JUP: variants seen among roughly 807,000 people sequenced by gnomAD.
JUP encodes junction plakoglobin, also known as catenin (cadherin-associated protein), gamma 80kDa.
A neutral mutation model predicts 71.1 loss-of-function variants in JUP; 28 were observed. The ratio of observed to expected loss-of-function variants is 0.39; its 90% CI spans 0.29 to 0.54. The LOEUF is 0.54. JUP is among the 20% of genes least tolerant of loss of function. The pLI is 0.62. For missense variants in JUP, 869 were observed against 1,030.1 expected, an observed-to-expected ratio of 0.84 and a Z score of 2.14; for synonymous variants, 401 against 438.9, an observed-to-expected ratio of 0.91 and a Z score of 1.08.
At chr17:41,761,382 C>T in intron 8 of JUP, among the ~76,000 whole-genome samples, 1 of 152,176 alleles carries the variant, frequency 6.6e-6, no homozygotes, top group Non-Finnish European at 1.5e-5. Context: ...GGCCGCTAGC[C>T]ATCCCCAGTT....
In JUP at chr17:41,760,429, T is replaced by C. The variant is rs1446267131; in HGVS notation, c.1498-1559A>G. On this transcript the variant is annotated intron_variant, in intron 8 of 13. Transcript: ENST00000393931. The stretch of plus-strand genomic sequence containing the variant: ...CGCCACCACGCCTGGCTAATTTCTT[T>C]GTATTTTTTTAGTAGAGATGGGGTT... Among the ~76,000 whole-genome samples the C allele has an allele frequency of 2.0e-5, 3 of 151,638 alleles. No homozygotes were observed. In the East Asian group the frequency reaches 5.9e-4, roughly 30 times the overall value.
At chr17:41,777,023 A>C (rs1264657080) in intron 1 of JUP, among the ~76,000 whole-genome samples, 1 of 152,134 alleles carries the variant, frequency 6.6e-6, no homozygotes, top group African/African-American at 2.4e-5. Context: ...AAAGAAAAAT[A>C]ATAAAAATTT....
At position 41,754,981 on chromosome 17, in the gene JUP, C is replaced by T. The variant is rs782385635; in HGVS notation, c.*763G>A. 13 of 240,488 alleles carry T rather than the reference C, an allele frequency of 5.4e-5. No individual in the cohort carries two copies. Among genetic ancestry groups the T allele is most frequent in the Non-Finnish European group, 8.7e-5 (11 of 125,872 alleles). 14.9% of individuals were successfully genotyped at this position (240,488 alleles called of 1,614,324 possible). Reference sequence around the variant, plus strand: ...ATATCTCCTCCCCATCTCCCCTGGACGGTCCCTGAACTTTTCAAGAGAAGT... The same window carrying T: ...ATATCTCCTCCCCATCTCCCCTGGATGGTCCCTGAACTTTTCAAGAGAAGT... On this transcript the variant is annotated 3_prime_UTR_variant, in exon 14 of 14. Transcript: ENST00000393931.
chr17:41,769,697 G>T lies in JUP; in HGVS notation c.209-20C>A. ...GATCACCTGGGGGCCATGGGGACAG[G>T]GACTGAGTGCAGGCAGTGGGCTGGG... On this transcript the variant is annotated intron_variant, in intron 2 of 13. Coordinates refer to ENST00000393931, the MANE Select transcript of JUP (RefSeq NM_002230.4). The T allele has an allele frequency of 6.2e-7, 1 of 1,605,180 alleles. No homozygotes were observed.
chr17:41,771,807 C>T lies in JUP; in HGVS notation c.48G>A (p.Trp16Ter). ...CCGAGTCGTAGGTGTATGTCTGCTG[C>T]CACTCAGTCACCTTGATAGGCTGCT... ...LMEQPIKVTE[W>*]QQTYTYDSGI... The change falls in exon 2 of 14, where the codon TGG becomes TGA. Residue 16 changes from tryptophan (W) to a stop codon, truncating the protein, a stop_gained. Transcript: ENST00000393931. LOFTEE classifies it high-confidence loss of function. 1 of 1,613,978 alleles carries T rather than the reference C, an allele frequency of 6.2e-7. No individual in the cohort carries two copies. The highest frequency in any genetic ancestry group is 8.5e-7 in the Non-Finnish European group (1 of 1,179,948).
rs1428516361 is a variant in JUP at position 41,769,643 on chromosome 17, C to T, written c.243G>A (p.Arg81=). ...ACATGGCCTCCCGCACCCGTTTGGC[C>T]CTGGCTGTTGTGGACATCTGGTACT... ...DLEYQMSTTA[R]AKRVREAMCP... The change falls in exon 3 of 14, where the codon AGG becomes AGA. Residue 81 remains arginine (R), a synonymous_variant. Coordinates refer to ENST00000393931, the MANE Select transcript of JUP (RefSeq NM_002230.4). 4 of 1,607,772 alleles carry T rather than the reference C, an allele frequency of 2.5e-6. No homozygotes were observed. Among genetic ancestry groups the T allele is most frequent in the Non-Finnish European group, 3.4e-6 (4 of 1,177,948 alleles).
intron 1 of JUP, among the ~76,000 whole-genome samples, chr17:41,780,286 T>C (rs2047097062): frequency 6.6e-6 from 1 of 151,856 alleles, no homozygotes; most frequent in Non-Finnish European, 1.5e-5. Flanking sequence ...TGGACCCAGC[T>C]ACTTGGGAGG....
chr17:41,769,005 T>A lies in JUP; in HGVS notation c.671A>T (p.Lys224Met), dbSNP rs781833342. 5 of 1,610,076 alleles carry A rather than the reference T, an allele frequency of 3.1e-6. No homozygotes were observed. Among genetic ancestry groups the A allele is most frequent in the Non-Finnish European group, 4.2e-6 (5 of 1,178,518 alleles). Residue 224 changes from lysine to methionine, a missense_variant, in exon 4 of 14, where the codon AAG becomes ATG. Physicochemically the swap from Lys to Met is moderately conservative, Grantham distance 95 (BLOSUM62 -1). Transcript: ENST00000393931. ...HHREGLLAIF[K>M]SGGIPALVRM... is the part of the protein sequence containing the mutation. ...GACCAGAGCAGGGATGCCACCCGAC[T>A]TGAAGATGGCGAGCAGCCCCTCCCG...
At chr17:41,764,350 C>T (rs1915342590) in intron 7 of JUP, among the ~76,000 whole-genome samples, 1 of 152,058 alleles carries the variant, frequency 6.6e-6, no homozygotes, top group Admixed American at 6.6e-5. Context: ...GCCTGCCCAA[C>T]ATGGTGAAAC....
At chr17:41,775,989 C>T (rs1175958779) in intron 1 of JUP, 13 of 985,332 alleles carry the variant, frequency 1.3e-5, no homozygotes, top group African/African-American at 1.7e-5. Flanking sequence ...ACACCAGGCT[C>T]CTTCCCCAGC....
In JUP at chr17:41,769,656, G is replaced by A. The variant is rs782771565; in HGVS notation, c.230C>T (p.Ser77Phe). ...CACCCGTTTGGCCCTGGCTGTTGTG[G>A]ACATCTGGTACTCCAGATCACCTGG... ...PSQGDLEYQMSTTARAKRVRE... is the reference protein window; with the variant it reads ...PSQGDLEYQMFTTARAKRVRE... The change falls in exon 3 of 14, where the codon TCC becomes TTC. Residue 77 changes from serine to phenylalanine, a missense_variant. Coordinates refer to ENST00000393931, the MANE Select transcript of JUP (RefSeq NM_002230.4). 3 of 1,608,588 alleles carry A rather than the reference G, an allele frequency of 1.9e-6. No individual in the cohort carries two copies. The highest frequency in any genetic ancestry group is 1.3e-5 in the African/African-American group (1 of 74,928).
At chr17:41,780,873 C>T (rs1156688068) in intron 1 of JUP, among the ~76,000 whole-genome samples, 3 of 151,580 alleles carry the variant, frequency 2.0e-5, no homozygotes, top group African/African-American at 4.8e-5. Flanking sequence ...GGTGAAACCC[C>T]GTCTCTACTA....
At position 41,770,907 on chromosome 17, in the gene JUP, G is replaced by C. The variant is rs374405156; in HGVS notation, c.208+740C>G. 2.6e-3 allele frequency among the ~76,000 whole-genome samples: 395 copies of C among 152,362 alleles called. 2 individuals carry two copies. The highest frequency in any genetic ancestry group is 8.2e-3 in the Admixed American group (125 of 15,310). On this transcript the variant is annotated intron_variant, in intron 2 of 13. Coordinates refer to ENST00000393931, the MANE Select transcript of JUP (RefSeq NM_002230.4). The stretch of plus-strand genomic sequence containing the variant: ...CTCTACCCAAAGGGGAATCCCTGGG[G>C]GTTCCTGGGGGCTACGGCCCTGGCT...
In JUP at chr17:41,769,121, C is replaced by G; in HGVS notation, c.555G>C (p.Leu185=). Residue 185 remains leucine (L), a synonymous_variant, in exon 4 of 14, where the codon CTG becomes CTC. Coordinates refer to ENST00000393931, the MANE Select transcript of JUP (RefSeq NM_002230.4). ...SRRALMGSPQ[L]VAAVVRTMQN... is the part of the protein sequence containing the mutation. ...GCATGGTACGCACGACAGCGGCCAC[C>G]AGCTGGGGCGAGCCCATCAGGGCCC... 1 of 1,610,588 alleles carries G rather than the reference C, an allele frequency of 6.2e-7. No homozygotes were observed. Among genetic ancestry groups the G allele is most frequent in the African/African-American group, 1.3e-5 (1 of 75,054 alleles).
In JUP at chr17:41,764,771, C is replaced by A. The variant is rs782067441; in HGVS notation, c.1100G>T (p.Arg367Leu). ...GGTCCACAGGCAGTTCTGCACCAGG[C>A]GGGGGCTGTTGCTGGTCAGGTGCTT... ...LGKHLTSNSP[R>L]LVQNCLWTLR... Residue 367 changes from arginine (R) to leucine (L), a missense_variant, in exon 7 of 14, where the codon CGC becomes CTC. Transcript: ENST00000393931. 4 of 1,613,488 alleles carry A rather than the reference C, an allele frequency of 2.5e-6. No homozygotes were observed. The highest frequency in any genetic ancestry group is 3.4e-6 in the Non-Finnish European group (4 of 1,179,978).
At chr17:41,770,485 G>A (rs2143713210) in intron 2 of JUP, among the ~76,000 whole-genome samples, 1 of 152,286 alleles carries the variant, frequency 6.6e-6, no homozygotes, top group South Asian at 2.1e-4. Flanking sequence ...CCTGGATGCT[G>A]TACTTTTTGC....
Position 41,755,273 on chromosome 17 carries a change from A to C in JUP, c.*471T>G, listed in dbSNP as rs1913509245. The C allele has an allele frequency of 2.5e-6, 1 of 399,462 alleles. No individual in the cohort carries two copies. The highest frequency in any genetic ancestry group is 2.1e-5 in the African/African-American group (1 of 48,596). The allele number at this position is 399,462 out of a possible 1,614,324, so 24.7% of individuals were successfully genotyped here. ...CAGGCCCTGGACCCATGCCCAGGAC[A>C]GAAAAGCAGGAGCAGAACACTATCC... On this transcript the variant is annotated 3_prime_UTR_variant, in exon 14 of 14. Transcript: ENST00000393931.
rs4796702 is a variant in JUP, at chr17:41,786,667, T to C, written c.-88A>G. The C allele has an allele frequency of 0.66, 100,933 of 152,476 alleles. 33,613 individuals carry two copies. Among genetic ancestry groups the C allele is most frequent in the South Asian group, 0.76 (3,700 of 4,840 alleles). 9.4% of individuals were successfully genotyped at this position (152,476 alleles called of 1,614,324 possible). On this transcript the variant is annotated 5_prime_UTR_variant, in exon 1 of 14. Transcript: ENST00000393931. ...CGCGGACAGCGAACTGAGCTCGGCG[T>C]GGTCGGGCGGCGGCTGCTCCGGACT... is the stretch of plus-strand genomic sequence containing the variant.
rs551101212 is a variant in JUP at position 41,782,894 on chromosome 17, C to T, written c.-9+3694G>A. On this transcript the variant is annotated intron_variant, in intron 1 of 13. Transcript: ENST00000393931. ...GCGGATCTCCTGAAGGTCAGGAGTT[C>T]GAGACCATCCTGACCAACATGGTGA... Among the ~76,000 whole-genome samples, 16 of 151,832 alleles carry T rather than the reference C, an allele frequency of 1.1e-4. No homozygotes were observed. In the South Asian group the frequency reaches 2.5e-3, roughly 24 times the overall value.
Sources: gnomAD v4.1 joint callset for allele counts (sites outside exome capture counted in the v4.1 genomes callset) on GRCh38, gnomAD v4.1.1 for gene constraint, MANE v1.5 for transcripts, NCBI Gene and HGNC (gene_info 2026-07-23, HGNC 2026-07-21) for gene names.